Variants in RNF130 observed in about 807,000 individuals in gnomAD.
RNF130 encodes the protein ring finger protein 130.
Under a neutral mutation model 44.6 loss-of-function variants are expected in RNF130, and 21 were observed. The ratio of observed to expected loss-of-function variants is 0.47; its 90% confidence interval spans 0.33 to 0.68. The LOEUF (loss-of-function observed/expected upper bound fraction) is 0.68. Ranked by LOEUF, RNF130 falls within the 30% of genes least tolerant of loss-of-function variation. The pLI is 0.02. For synonymous variants in RNF130, 214 were observed against 210.4 expected, an observed-to-expected ratio of 1.02 and a Z score of -0.15; for missense variants, 479 against 560.6, an observed-to-expected ratio of 0.85 and a Z score of 1.47.
In RNF130 at chr5:179,967,027, G is replaced by A. The variant is rs77474502; in HGVS notation, c.946-17C>T. 84,612 of 1,598,516 alleles carry A rather than the reference G, an allele frequency of 0.053. 2,636 individuals are homozygous for A. The highest frequency in any genetic ancestry group is 0.1 in the South Asian group (9,294 of 89,536). On this transcript the variant is annotated splice_polypyrimidine_tract_variant and intron_variant, in intron 6 of 8. Coordinates refer to ENST00000521389, the MANE Select transcript of RNF130 (RefSeq NM_018434.6). ...CAAATTCGGCTGCAAAATATTTCCA[G>A]GTTAAAAATAATTGTAAGGAAAACA...
rs572751614 is a variant in RNF130 at position 180,057,506 on chromosome 5, C to A, written c.247+13950G>T. Among the ~76,000 whole-genome samples, 10 of 152,172 alleles carry A rather than the reference C, an allele frequency of 6.6e-5. No individual in the cohort carries two copies. The South Asian group carries it at 1.5e-3, about 22-fold the overall frequency. On this transcript the variant is annotated intron_variant, in intron 1 of 8. Coordinates refer to ENST00000521389, the MANE Select transcript of RNF130 (RefSeq NM_018434.6). ...GAGGCTGCATTGAGCCAAGACCGTA[C>A]CACTGCGCTCCAGCCTGGGTGACAG...
chr5:180,019,406 T>C (rs1042790151), intron 2 of RNF130, among the ~76,000 whole-genome samples: 1 of 151,850 alleles, frequency 6.6e-6, no homozygotes, highest in Non-Finnish European at 1.5e-5. Context: ...AAAAATCACT[T>C]TGAAGTTCCA....
chr5:180,012,250 A>G (rs1365744798), intron 3 of RNF130, among the ~76,000 whole-genome samples: 3 of 152,222 alleles, frequency 2.0e-5, no homozygotes, highest in African/African-American at 4.8e-5. Flanking sequence ...CCATCCCCAC[A>G]GGAATTTGAA....
chr5:179,968,928 T>C (rs984186388), intron 6 of RNF130, among the ~76,000 whole-genome samples: 1 of 152,142 alleles, frequency 6.6e-6, no homozygotes, highest in Non-Finnish European at 1.5e-5. Flanking sequence ...GCCCGATACT[T>C]TGAGAAATCC....
At chr5:179,921,827 C>T (rs1252583970) in intron 7 of RNF130, among the ~76,000 whole-genome samples, 1 of 148,886 alleles carries the variant, frequency 6.7e-6, no homozygotes, top group Non-Finnish European at 1.5e-5. Flanking sequence ...TCAAGACCAG[C>T]TTGGCCAACA....
intron 2 of RNF130, among the ~76,000 whole-genome samples, chr5:180,032,042 G>A (rs1488689437): frequency 2.6e-5 from 4 of 152,188 alleles, no homozygotes; most frequent in East Asian, 3.9e-4. Context: ...CCTTTTGCCC[G>A]TTGTAAAACT....
intron 2 of RNF130, among the ~76,000 whole-genome samples, chr5:180,031,379 C>T (rs530221580): frequency 8.5e-5 from 13 of 152,122 alleles, no homozygotes; most frequent in African/African-American, 2.9e-4. Flanking sequence ...CCCAGCTACT[C>T]GGGAAGCTGA....
chr5:180,007,232 C>T (rs12152713), intron 3 of RNF130, among the ~76,000 whole-genome samples: 11,727 of 152,132 alleles, frequency 0.077, 626 homozygotes, highest in Non-Finnish European at 0.12. Context: ...GAAATCCCAT[C>T]TCTACTAAAA....
intron 2 of RNF130, among the ~76,000 whole-genome samples, chr5:180,026,318 A>G (rs1763984071): frequency 6.6e-6 from 1 of 152,272 alleles, no homozygotes; most frequent in African/African-American, 2.4e-5. Flanking sequence ...ATTTAACACA[A>G]CTTAAGATGA....
intron 1 of RNF130, among the ~76,000 whole-genome samples, chr5:180,066,937 A>C (rs979931254): frequency 6.6e-6 from 1 of 152,212 alleles, no homozygotes; most frequent in Non-Finnish European, 1.5e-5. Context: ...AGGCAGGAGG[A>C]TCAATCACTC....
intron 2 of RNF130, chr5:180,015,428 T>A (rs1298897509): frequency 2.0e-6 from 1 of 496,202 alleles, no homozygotes. Context: ...AGGCTCCCTC[T>A]TGAAGACTCA....
intron 1 of RNF130, among the ~76,000 whole-genome samples, chr5:180,066,847 CAATAAAAATAAA>C (rs992431171): frequency 2.6e-5 from 4 of 151,804 alleles, no homozygotes; most frequent in Admixed American, 1.3e-4. Flanking sequence ...AAATAAAATA[CAATAAAAATAAA>C]AATAAAAATA....
rs73810929 is a variant in RNF130, at chr5:180,028,601, C to T, written c.442+11852G>A. On this transcript the variant is annotated intron_variant, in intron 2 of 8. Transcript: ENST00000521389. ...AATAACACTACAGCTGATCCCGCTA[C>T]GTAGGTATGCAAAGTTATGCACTGA... is the stretch of plus-strand genomic sequence containing the variant. Among the ~76,000 whole-genome samples, 1,504 of 152,258 alleles carry T rather than the reference C, an allele frequency of 9.9e-3. 25 individuals are homozygous for T. The highest frequency in any genetic ancestry group is 0.034 in the African/African-American group (1,394 of 41,528).
chr5:180,026,430 A>AT (rs1763987014), intron 2 of RNF130, among the ~76,000 whole-genome samples: 1 of 152,234 alleles, frequency 6.6e-6, no homozygotes, highest in Non-Finnish European at 1.5e-5. Flanking sequence ...CCAAGAACCC[A>AT]TAACGTCCCC....
At chr5:180,024,114 G>T (rs930919172) in intron 2 of RNF130, among the ~76,000 whole-genome samples, 1 of 151,976 alleles carries the variant, frequency 6.6e-6, no homozygotes, top group African/African-American at 2.4e-5. Flanking sequence ...CAACATGCTG[G>T]GCCAGCAGTC....
chr5:179,986,564 A>T (rs2100147995), intron 3 of RNF130, among the ~76,000 whole-genome samples: 2 of 152,378 alleles, frequency 1.3e-5, no homozygotes, highest in South Asian at 4.1e-4. Flanking sequence ...TGACATTTCA[A>T]GTGGACACTG....
At chr5:180,035,004 A>G (rs578088399) in intron 2 of RNF130, among the ~76,000 whole-genome samples, 65 of 152,204 alleles carry the variant, frequency 4.3e-4, no homozygotes, top group Non-Finnish European at 8.4e-4. Context: ...CAAAGAACCA[A>G]CTTTTGGGTT....
chr5:179,944,753 T>A (rs1762013751), intron 7 of RNF130, among the ~76,000 whole-genome samples: 1 of 148,572 alleles, frequency 6.7e-6, no homozygotes, highest in Non-Finnish European at 1.5e-5. Flanking sequence ...TGAGACCCTG[T>A]CTCAAAAAAA....
chr5:179,970,361 T>C (rs1430212801), intron 6 of RNF130, 49 bp downstream of exon 6: 1 of 1,365,010 alleles, frequency 7.3e-7, no homozygotes, highest in Non-Finnish European at 1.0e-6. Context: ...GTATTACACA[T>C]ACATATAATA....
Sources: gnomAD v4.1 joint callset for allele counts (sites outside exome capture counted in the v4.1 genomes callset) on GRCh38, gnomAD v4.1.1 for gene constraint, MANE v1.5 for transcripts, NCBI Gene and HGNC (gene_info 2026-07-23, HGNC 2026-07-21) for gene names.